The following VPS13D variants were observed in gnomAD, a reference collection of about 807,000 sequenced individuals.
VPS13D encodes vacuolar protein sorting 13 homolog D.
A neutral mutation model predicts 461.9 loss-of-function variants in VPS13D; 187 were observed. The ratio of observed to expected loss-of-function variants is 0.40; its 90% confidence interval spans 0.36 to 0.46. The LOEUF (loss-of-function observed/expected upper bound fraction) is 0.46, where lower values mean the gene tolerates loss of function less well. VPS13D is among the 20% of genes least tolerant of loss of function. The pLI, the probability that VPS13D is intolerant of heterozygous loss-of-function variation, is 0.60. For synonymous variants in VPS13D, 1,951 were observed against 1,986.3 expected, an observed-to-expected ratio of 0.98 and a Z score of 0.47; for missense variants, 4,711 against 5,364.9, an observed-to-expected ratio of 0.88 and a Z score of 3.81.
At chr1:12,235,171 C>T (rs1019882875) in intron 2 of VPS13D, among the ~76,000 whole-genome samples, 6 of 152,178 alleles carry the variant, frequency 3.9e-5, no homozygotes, top group African/African-American at 1.4e-4. Context: ...TGAAACCTCA[C>T]CTTTGTGGAT....
At chr1:12,394,957 T>A (rs1417026505) in intron 60 of VPS13D, among the ~76,000 whole-genome samples, 1 of 152,200 alleles carries the variant, frequency 6.6e-6, no homozygotes, top group Non-Finnish European at 1.5e-5. Context: ...CATTCCCGTA[T>A]CTGTTCTCCA....
intron 35 of VPS13D, among the ~76,000 whole-genome samples, chr1:12,327,135 A>G (rs1643211184): frequency 6.6e-6 from 1 of 152,146 alleles, no homozygotes; most frequent in South Asian, 2.1e-4. Context: ...GCTGTCGGGC[A>G]CAAAGAGATC....
At chr1:12,456,242 G>T in intron 66 of VPS13D, 112 bp downstream of exon 66, 1 of 1,425,942 alleles carries the variant, frequency 7.0e-7, no homozygotes, top group Non-Finnish European at 9.2e-7. Context: ...GGTGGCTCAT[G>T]CTTGTAATCC....
rs886481357 is a variant in VPS13D at position 12,299,423 on chromosome 1, G to C, written c.6216+39G>C. On this transcript the variant is annotated intron_variant, in intron 25 of 69. Coordinates refer to ENST00000620676, the MANE Select transcript of VPS13D (RefSeq NM_015378.4). This position sits in a 1 kb window ranked among gnomAD's most constrained non-coding sequence, Gnocchi z 4.2. ...ATCCATTTCCTTTTCCGTTCAGCTA[G>C]TATTTGATCACTAATTGAAAAATTT... The C allele has an allele frequency of 1.3e-6, 2 of 1,550,028 alleles. No individual in the cohort carries two copies. Among genetic ancestry groups the C allele is most frequent in the Admixed American group, 4.2e-5 (2 of 48,154 alleles).
chr1:12,377,405 A>G (rs1644214321), intron 55 of VPS13D, among the ~76,000 whole-genome samples: 1 of 152,140 alleles, frequency 6.6e-6, no homozygotes, highest in African/African-American at 2.4e-5. Flanking sequence ...TGTCTAGCGC[A>G]TAGTAAGTTC....
intron 27 of VPS13D, among the ~76,000 whole-genome samples, chr1:12,310,817 CTCCT>C (rs1419078577): frequency 2.4e-5 from 3 of 124,848 alleles, no homozygotes; most frequent in Non-Finnish European, 3.4e-5. Context: ...CCCTCCCTCC[CTCCT>C]TCCCTCCTTC....
Position 12,378,555 on chromosome 1 carries a change from T to TA in VPS13D, c.11046dup (p.Asp3683ArgfsTer10), listed in dbSNP as rs762503935. The TA allele has an allele frequency of 6.2e-7, 1 of 1,606,982 alleles. No homozygotes were observed. Among genetic ancestry groups the TA allele is most frequent in the Non-Finnish European group, 8.5e-7 (1 of 1,176,806 alleles). On this transcript the variant is annotated frameshift_variant, in exon 56 of 70. Transcript: ENST00000620676. LOFTEE classifies it high-confidence loss of function. The stretch of plus-strand genomic sequence containing the variant: ...CGCTCCACCGAGGGGTCTGCCATCT[T>TA]AGATATTGCTGGTCTCGCTGCAGTG...
intron 66 of VPS13D, 59 bp downstream of exon 66, chr1:12,456,189 C>T (rs1034901720): frequency 1.7e-5 from 27 of 1,549,264 alleles, no homozygotes; most frequent in Admixed American, 6.4e-5. Context: ...GCCTTTGTAT[C>T]AATCTGATTG....
intron 67 of VPS13D, among the ~76,000 whole-genome samples, chr1:12,491,369 T>C (rs1297870891): frequency 6.6e-6 from 1 of 151,706 alleles, no homozygotes; most frequent in Non-Finnish European, 1.5e-5. Context: ...TTAAGCTGTG[T>C]AGGGGTATGT....
chr1:12,258,274 C>T (rs1054809892), intron 10 of VPS13D, among the ~76,000 whole-genome samples, 171 bp downstream of exon 10: 4 of 152,174 alleles, frequency 2.6e-5, no homozygotes, highest in African/African-American at 7.2e-5. Context: ...GGAGCATCCT[C>T]CACCTTCTGC....
chr1:12,317,216 A>G (rs895727738), intron 30 of VPS13D, among the ~76,000 whole-genome samples: 5 of 152,184 alleles, frequency 3.3e-5, no homozygotes, highest in African/African-American at 1.2e-4. Context: ...TTCTTGAAAT[A>G]GCCCATAGGG....
chr1:12,481,433 C>T (rs1415546215), intron 67 of VPS13D, among the ~76,000 whole-genome samples: 2 of 152,194 alleles, frequency 1.3e-5, no homozygotes, highest in Admixed American at 1.3e-4. Context: ...TATCGATTTC[C>T]AGGCTTGTAG....
chr1:12,490,465 G>A (rs1435157656), intron 67 of VPS13D, among the ~76,000 whole-genome samples: 2 of 152,242 alleles, frequency 1.3e-5, no homozygotes, highest in Non-Finnish European at 2.9e-5. Flanking sequence ...TCTGATTACA[G>A]TTTGCACTGA....
At chr1:12,238,752 C>T (rs1043467023) in intron 2 of VPS13D, among the ~76,000 whole-genome samples, 3 of 151,792 alleles carry the variant, frequency 2.0e-5, no homozygotes, top group African/African-American at 4.8e-5. Context: ...CCTCCTGCCT[C>T]AGCCTCCAGG....
chr1:12,360,080 T>C (rs901149050), intron 50 of VPS13D, among the ~76,000 whole-genome samples: 1 of 152,220 alleles, frequency 6.6e-6, no homozygotes, highest in Non-Finnish European at 1.5e-5. Context: ...ATCAGACATA[T>C]GCAGTGATTA....
chr1:12,279,471 G>T lies in VPS13D; in HGVS notation c.4451-28G>T. The T allele has an allele frequency of 6.4e-7, 1 of 1,574,412 alleles. No homozygotes were observed. Among genetic ancestry groups the T allele is most frequent in the Admixed American group, 1.7e-5 (1 of 57,800 alleles). ...AATGAAGTAAATATTAAGGTTTATG[G>T]TCTATCATTTCATCTCTTTTATGCC... is the stretch of plus-strand genomic sequence containing the variant. On this transcript the variant is annotated intron_variant, in intron 19 of 69. Coordinates refer to ENST00000620676, the MANE Select transcript of VPS13D (RefSeq NM_015378.4). The surrounding 1 kb of genome is among the most constrained non-coding windows in gnomAD (Gnocchi z 4.3).
chr1:12,502,750 T>G lies in VPS13D; in HGVS notation c.12795-4103T>G, dbSNP rs1646052116. On this transcript the variant is annotated intron_variant, in intron 68 of 69. Transcript: ENST00000620676. This position sits in a 1 kb window ranked among gnomAD's most constrained non-coding sequence, Gnocchi z 4.3. ...TCATGAGTCTGTTTTCCATGTGGCC[T>G]TCTAGAGAGACATCTCTCTCCAATC... Among the ~76,000 whole-genome samples the G allele has an allele frequency of 6.6e-6, 1 of 152,034 alleles. No individual in the cohort carries two copies. The highest frequency in any genetic ancestry group is 2.4e-5 in the African/African-American group (1 of 41,368).
At chr1:12,259,182 C>T (rs1225403558) in intron 10 of VPS13D, among the ~76,000 whole-genome samples, 2 of 151,938 alleles carry the variant, frequency 1.3e-5, no homozygotes, top group African/African-American at 2.4e-5. Context: ...GCTGGGACTA[C>T]AGGCCCGCAT....
At chr1:12,297,172 C>T (rs1053498817) in intron 24 of VPS13D, among the ~76,000 whole-genome samples, 10 of 152,070 alleles carry the variant, frequency 6.6e-5, no homozygotes, top group African/African-American at 1.9e-4. Flanking sequence ...ATTGGTGACA[C>T]GTGTTTTTGA....
Sources: gnomAD v4.1 joint callset for allele counts (sites outside exome capture counted in the v4.1 genomes callset) on GRCh38, gnomAD v4.1.1 for gene constraint, Gnocchi (gnomAD v3.1) non-coding constraint, MANE v1.5 for transcripts, NCBI Gene and HGNC (gene_info 2026-07-23, HGNC 2026-07-21) for gene names.